Variants in TCF7L1 observed in about 807,000 individuals in gnomAD.
TCF7L1 encodes the protein transcription factor 7 like 1, also known as transcription factor 7-like 1.
Under a neutral mutation model 63.7 loss-of-function variants are expected in TCF7L1, and 18 were observed. That is an observed-to-expected ratio of 0.28 (90% CI 0.20 to 0.42). The LOEUF (loss-of-function observed/expected upper bound fraction) is 0.42. Ranked by LOEUF, TCF7L1 falls within the 10% of genes least tolerant of loss-of-function variation. The pLI is 1.00. For missense variants in TCF7L1, 654 were observed against 779.3 expected, an observed-to-expected ratio of 0.84 and a Z score of 1.91; for synonymous variants, 355 against 340.9, an observed-to-expected ratio of 1.04 and a Z score of -0.46.
At position 85,306,567 on chromosome 2, in the gene TCF7L1, C is replaced by T; in HGVS notation, c.1257+8C>T. On this transcript the variant is annotated splice_region_variant and intron_variant, in intron 10 of 11. Transcript: ENST00000282111. This position sits in a 1 kb window ranked among gnomAD's most constrained non-coding sequence, Gnocchi z 4.3. ...TCAGCCCGGGACAACTATGTAAGTG[C>T]ACACTCTGGGCAGAGGACGCTCAGA... is the stretch of plus-strand genomic sequence containing the variant. The T allele has an allele frequency of 6.2e-7, 1 of 1,613,482 alleles. No individual in the cohort carries two copies. The highest frequency in any genetic ancestry group is 8.5e-7 in the Non-Finnish European group (1 of 1,179,426).
intron 3 of TCF7L1, among the ~76,000 whole-genome samples, chr2:85,265,752 A>G (rs947519819): frequency 2.6e-5 from 4 of 151,938 alleles, no homozygotes; most frequent in African/African-American, 7.3e-5. Flanking sequence ...AGATTTGAAT[A>G]TAGACTTTAC....
At chr2:85,192,228 T>C (rs1196874591) in intron 3 of TCF7L1, among the ~76,000 whole-genome samples, 1 of 152,192 alleles carries the variant, frequency 6.6e-6, no homozygotes, top group African/African-American at 2.4e-5. Flanking sequence ...ATCCTCCTCA[T>C]TTCTAATCCT....
Position 85,289,221 on chromosome 2 carries a change from AGT to A in TCF7L1, c.525+5674_525+5675del, listed in dbSNP as rs10701623. Among the ~76,000 whole-genome samples the A allele has an allele frequency of 4.7e-3, 682 of 146,226 alleles. 3 individuals are homozygous for A. The highest frequency in any genetic ancestry group is 0.012 in the South Asian group (53 of 4,600). ...TTTGTTAAATAGTATTTCAGTCTGG[AGT>A]GTGTGTGTGTGTGTGTGTGTGTGTG... On this transcript the variant is annotated intron_variant, in intron 4 of 11. Transcript: ENST00000282111.
At chr2:85,248,107 T>C (rs1320445968) in intron 3 of TCF7L1, among the ~76,000 whole-genome samples, 1 of 152,190 alleles carries the variant, frequency 6.6e-6, no homozygotes, top group East Asian at 1.9e-4. Flanking sequence ...CCAGGAGTTA[T>C]AATAGATTTA....
At chr2:85,150,046 A>G (rs767000538) in intron 3 of TCF7L1, among the ~76,000 whole-genome samples, 1 of 152,232 alleles carries the variant, frequency 6.6e-6, no homozygotes. Flanking sequence ...TGTCTCATCT[A>G]TGGAACTTAT....
chr2:85,182,980 C>T (rs998902223), intron 3 of TCF7L1, among the ~76,000 whole-genome samples: 3 of 152,178 alleles, frequency 2.0e-5, no homozygotes, highest in Non-Finnish European at 4.4e-5. Flanking sequence ...TGAGAATCCC[C>T]GCTCTAGGGC....
At chr2:85,209,514 G>A (rs1467752254) in intron 3 of TCF7L1, among the ~76,000 whole-genome samples, 2 of 152,196 alleles carry the variant, frequency 1.3e-5, no homozygotes, top group African/African-American at 4.8e-5. Flanking sequence ...GCCCTAAGGA[G>A]CATCTTGGGT....
At chr2:85,178,584 GCT>G (rs1188160487) in intron 3 of TCF7L1, among the ~76,000 whole-genome samples, 1 of 152,304 alleles carries the variant, frequency 6.6e-6, no homozygotes, top group Middle Eastern at 3.4e-3. Flanking sequence ...CACTCAGAGG[GCT>G]CTCTCTTCAG....
intron 3 of TCF7L1, among the ~76,000 whole-genome samples, chr2:85,194,143 G>A (rs973102516): frequency 2.0e-5 from 3 of 152,034 alleles, no homozygotes; most frequent in African/African-American, 7.2e-5. Flanking sequence ...AACTGAATAA[G>A]AAAAGTCCCC....
At chr2:85,287,035 A>C (rs910794318) in intron 4 of TCF7L1, among the ~76,000 whole-genome samples, 3 of 152,216 alleles carry the variant, frequency 2.0e-5, no homozygotes, top group African/African-American at 7.2e-5. Context: ...CCCTGTGTTC[A>C]GCCTTCCTGT....
chr2:85,223,954 C>T (rs1335015063), intron 3 of TCF7L1, among the ~76,000 whole-genome samples: 2 of 152,212 alleles, frequency 1.3e-5, no homozygotes, highest in African/African-American at 4.8e-5. Flanking sequence ...CACTCCCCAA[C>T]AGGCCCTGGT....
chr2:85,263,267 C>T lies in TCF7L1; in HGVS notation c.442-20228C>T, dbSNP rs532410820. ...GGAAGGGTAGGCCAGGGCTTTAATG[C>T]CCACTGAGCAGGCATCGGGAACCGC... On this transcript the variant is annotated intron_variant, in intron 3 of 11. Transcript: ENST00000282111. 1.5e-4 allele frequency among the ~76,000 whole-genome samples: 22 copies of T among 151,388 alleles called. No individual in the cohort carries two copies. The East Asian group carries it at 4.1e-3, about 28-fold the overall frequency.
At chr2:85,152,533 C>G (rs2568224) in intron 3 of TCF7L1, among the ~76,000 whole-genome samples, 94,449 of 149,942 alleles carry the variant, frequency 0.63, 30,034 homozygotes, top group East Asian at 0.89. Flanking sequence ...CTCCCAAGTT[C>G]AAGCAATTCT....
intron 11 of TCF7L1, 136 bp from the exon 12 acceptor site, chr2:85,308,893 A>G: frequency 1.0e-6 from 1 of 998,420 alleles, no homozygotes; most frequent in Non-Finnish European, 1.5e-6. Flanking sequence ...TAGTCTTGAA[A>G]GCCTTGGAAG....
intron 3 of TCF7L1, among the ~76,000 whole-genome samples, chr2:85,148,522 G>A (rs1677932755): frequency 6.6e-6 from 1 of 152,146 alleles, no homozygotes; most frequent in African/African-American, 2.4e-5. Flanking sequence ...TAGTCATAAT[G>A]ATAAATGGGG....
chr2:85,238,935 T>C (rs571466182), intron 3 of TCF7L1, among the ~76,000 whole-genome samples: 16 of 152,086 alleles, frequency 1.1e-4, no homozygotes, highest in Middle Eastern at 3.4e-3. Flanking sequence ...TTCTTCTGCC[T>C]GAGCCTTCCA....
rs779464787 is a variant in TCF7L1 at position 85,283,477 on chromosome 2, T to C, written c.442-18T>C. 6.2e-7 allele frequency: 1 copy of C among 1,613,864 alleles called. No individual in the cohort carries two copies. Among genetic ancestry groups the C allele is most frequent in the Non-Finnish European group, 8.5e-7 (1 of 1,179,914 alleles). The stretch of plus-strand genomic sequence containing the variant: ...CCTCATCTCACCAACAGCTTTTTCT[T>C]TTCTGTTCCCTGTGCAGTACCTGCA... On this transcript the variant is annotated intron_variant, in intron 3 of 11. Transcript: ENST00000282111.
chr2:85,184,773 G>C (rs2104255428), intron 3 of TCF7L1, among the ~76,000 whole-genome samples: 1 of 152,300 alleles, frequency 6.6e-6, no homozygotes, highest in East Asian at 1.9e-4. Flanking sequence ...ATAGGGGCGG[G>C]ACAAGGCTAG....
At chr2:85,203,078 G>A (rs560052712) in intron 3 of TCF7L1, among the ~76,000 whole-genome samples, 17 of 152,170 alleles carry the variant, frequency 1.1e-4, no homozygotes, top group African/African-American at 2.4e-4. Flanking sequence ...CTCGTGATCC[G>A]CCCGCCTTGG....
Sources: allele counts gnomAD v4.1 joint callset (sites outside exome capture counted in the v4.1 genomes callset), GRCh38; gene constraint gnomAD v4.1.1; non-coding constraint Gnocchi (gnomAD v3.1); transcripts MANE v1.5; gene names NCBI Gene and HGNC (gene_info 2026-07-23, HGNC 2026-07-21).